PAPPA: variants seen among roughly 807,000 people sequenced by gnomAD.
PAPPA encodes pappalysin-1.
A neutral mutation model predicts 164.0 loss-of-function variants in PAPPA; 60 were observed. The observed-to-expected ratio is 0.37, with a 90% confidence interval of 0.30 to 0.45. The LOEUF (loss-of-function observed/expected upper bound fraction) is 0.45. Ranked by LOEUF, PAPPA falls within the 20% of genes least tolerant of loss-of-function variation. The pLI is 1.00. For synonymous variants in PAPPA, 875 were observed against 814.1 expected (o/e 1.07, Z -1.27); for missense variants, 1,782 against 2,087.3 (o/e 0.85, Z 2.85).
rs1487104709 is a variant in PAPPA, at chr9:116,219,921, C to T, written c.1919-16C>T. ...CTTGCGGCTTGGTGCTTATCTCTCCCTCTGCCTGCTTGCAGATGACGACTG... is the reference window on the plus strand; with the variant it reads ...CTTGCGGCTTGGTGCTTATCTCTCCTTCTGCCTGCTTGCAGATGACGACTG... On this transcript the variant is annotated splice_polypyrimidine_tract_variant and intron_variant, in intron 4 of 21. Transcript: ENST00000328252. 7 of 1,597,186 alleles carry T rather than the reference C, an allele frequency of 4.4e-6. No individual in the cohort carries two copies. In the East Asian group the frequency reaches 1.3e-4, roughly 31 times the overall value.
chr9:116,366,110 A>C (rs1846497544), intron 18 of PAPPA, among the ~76,000 whole-genome samples: 1 of 152,204 alleles, frequency 6.6e-6, no homozygotes, highest in African/African-American at 2.4e-5. Context: ...TAGTGTTTGG[A>C]GGGTGGTTTC....
intron 20 of PAPPA, among the ~76,000 whole-genome samples, chr9:116,379,888 G>GAT (rs1283305408): frequency 6.6e-6 from 1 of 152,138 alleles, no homozygotes; most frequent in African/African-American, 2.4e-5. Context: ...AGCAACATGA[G>GAT]ATAAACCAGA....
intron 1 of PAPPA, among the ~76,000 whole-genome samples, chr9:116,183,961 C>T (rs1843937935): frequency 6.6e-6 from 1 of 152,108 alleles, no homozygotes; most frequent in South Asian, 2.1e-4. Context: ...TAGCTGCCTT[C>T]CAAAGGCAAC....
At chr9:116,184,283 G>A (rs1389466906) in intron 1 of PAPPA, among the ~76,000 whole-genome samples, 1 of 152,172 alleles carries the variant, frequency 6.6e-6, no homozygotes, top group Non-Finnish European at 1.5e-5. Context: ...GAAGGAGTCA[G>A]TGGGGAGGCA....
chr9:116,331,396 C>T lies in PAPPA; in HGVS notation c.3261+39C>T, dbSNP rs755045597. On this transcript the variant is annotated intron_variant, in intron 11 of 21. Coordinates refer to ENST00000328252, the MANE Select transcript of PAPPA (RefSeq NM_002581.5). ...CTGAGAGCTTTGGAATCTCCAGCAG[C>T]GAGCCACAGAAAACACTGACTCCCA... 20 of 1,234,056 alleles carry T rather than the reference C, an allele frequency of 1.6e-5. 1 individual carries two copies. The highest frequency in any genetic ancestry group is 1.9e-4 in the Middle Eastern group (1 of 5,314). The allele number at this position is 1,234,056 out of a possible 1,614,324, so 76.4% of individuals were successfully genotyped here.
At chr9:116,382,340 A>T in intron 20 of PAPPA, 55 bp from the exon 21 acceptor site, 2 of 1,089,356 alleles carry the variant, frequency 1.8e-6, no homozygotes, top group Non-Finnish European at 2.9e-6. Flanking sequence ...GTCAGCTCCC[A>T]CTCACTCCAG....
chr9:116,323,805 T>C (rs62575362), intron 10 of PAPPA, among the ~76,000 whole-genome samples: 5,876 of 152,328 alleles, frequency 0.039, 164 homozygotes, highest in Non-Finnish European at 0.059. Context: ...CCTGAGAAGC[T>C]GGAAATCAAA....
chr9:116,261,887 G>GTGTTT (rs71300680), intron 7 of PAPPA, among the ~76,000 whole-genome samples: 2,222 of 151,042 alleles, frequency 0.015, 59 homozygotes, highest in African/African-American at 0.049. Context: ...GTAGAAAAAA[G>GTGTTT]TGTTTTGTTT....
intron 3 of PAPPA, 63 bp downstream of exon 3, chr9:116,207,664 G>A (rs1025613249): frequency 5.7e-6 from 7 of 1,220,222 alleles, no homozygotes; most frequent in Non-Finnish European, 8.0e-6. Flanking sequence ...TTAGTGCGAT[G>A]ATGATCATTG....
At chr9:116,356,809 T>A (rs1309853382) in intron 17 of PAPPA, among the ~76,000 whole-genome samples, 2 of 152,208 alleles carry the variant, frequency 1.3e-5, no homozygotes, top group Non-Finnish European at 2.9e-5. Flanking sequence ...AGCTGTGTTC[T>A]TTTTGCTTAG....
intron 1 of PAPPA, among the ~76,000 whole-genome samples, chr9:116,157,859 G>A (rs921332637): frequency 6.6e-6 from 1 of 152,100 alleles, no homozygotes; most frequent in African/African-American, 2.4e-5. Flanking sequence ...ACACCAGGCA[G>A]GAGGAACCAG....
chr9:116,212,680 T>C (rs1440978057), intron 4 of PAPPA, among the ~76,000 whole-genome samples: 1 of 152,016 alleles, frequency 6.6e-6, no homozygotes, highest in Non-Finnish European at 1.5e-5. Flanking sequence ...TTCTCAGAAG[T>C]CAGCACAGGG....
Position 116,211,719 on chromosome 9 carries a change from G to T in PAPPA, c.1705G>T (p.Gly569Cys), listed in dbSNP as rs1422683317. The change falls in exon 4 of 22, where the codon GGC (glycine) becomes TGC (cysteine). Residue 569 changes from glycine to cysteine, a missense_variant. Physicochemically the swap from Gly to Cys is radical, Grantham distance 159 (BLOSUM62 -3). This residue lies in a region of PAPPA where 1,324 missense variants were observed against 1,656.9 expected (regional missense o/e 0.80). Coordinates refer to ENST00000328252, the MANE Select transcript of PAPPA (RefSeq NM_002581.5). Reference protein sequence around the residue: ...TMIHEIGHSLGLYHVFRGISE... With the variant: ...TMIHEIGHSLCLYHVFRGISE... ...GATCCATGAGATTGGTCACAGCCTG[G>T]GCCTCTATCACGTCTTCCGAGGCAT... The T allele has an allele frequency of 6.2e-7, 1 of 1,613,996 alleles. No individual in the cohort carries two copies. Among genetic ancestry groups the T allele is most frequent in the South Asian group, 1.1e-5 (1 of 91,070 alleles).
intron 14 of PAPPA, 63 bp downstream of exon 14, chr9:116,344,774 C>A: frequency 8.9e-6 from 13 of 1,457,410 alleles, no homozygotes; most frequent in Non-Finnish European, 1.2e-5. Flanking sequence ...TGGGTGTTAA[C>A]CATGTTCTCT....
intron 1 of PAPPA, among the ~76,000 whole-genome samples, chr9:116,159,316 G>A (rs971384646): frequency 5.9e-5 from 9 of 152,288 alleles, no homozygotes; most frequent in Admixed American, 1.3e-4. Context: ...AAGGGTAGCC[G>A]GATCTAGGAA....
chr9:116,195,791 A>G (rs1382539924), intron 2 of PAPPA, among the ~76,000 whole-genome samples: 1 of 152,176 alleles, frequency 6.6e-6, no homozygotes, highest in Non-Finnish European at 1.5e-5. Context: ...CCCTCACTAC[A>G]ATCTCAGTGC....
At chr9:116,349,141 C>A (rs1846249457) in intron 15 of PAPPA, among the ~76,000 whole-genome samples, 1 of 149,540 alleles carries the variant, frequency 6.7e-6, no homozygotes, top group South Asian at 2.2e-4. Flanking sequence ...CTGCTCCTTG[C>A]AATCCCCCCG....
At position 116,220,016 on chromosome 9, in the gene PAPPA, G is replaced by A. The variant is rs1201747670; in HGVS notation, c.1998G>A (p.Trp666Ter). The A allele has an allele frequency of 6.2e-7, 1 of 1,613,890 alleles. No individual in the cohort carries two copies. Among genetic ancestry groups the A allele is most frequent in the African/African-American group, 1.3e-5 (1 of 74,914 alleles). ...HCYLDLVYQG[W>*]QPSRKPAPVA... Reference sequence around the variant, plus strand: ...ACCTGGACCTGGTCTACCAGGGCTGGCAGCCCTCCAGGAAACCAGCGCCTG... The same window carrying A: ...ACCTGGACCTGGTCTACCAGGGCTGACAGCCCTCCAGGAAACCAGCGCCTG... Residue 666 changes from tryptophan to a stop codon, truncating the protein, a stop_gained, in exon 5 of 22, where the codon TGG (tryptophan) becomes TGA (stop). Transcript: ENST00000328252. LOFTEE classifies it high-confidence loss of function.
intron 13 of PAPPA, among the ~76,000 whole-genome samples, chr9:116,338,544 G>A (rs1846093662): frequency 6.6e-6 from 1 of 152,178 alleles, no homozygotes; most frequent in South Asian, 2.1e-4. Context: ...TTCATAGGTA[G>A]GATTTGGAAC....
Sources: allele counts gnomAD v4.1 joint callset (sites outside exome capture counted in the v4.1 genomes callset), GRCh38; gene constraint gnomAD v4.1.1; regional missense constraint gnomAD v4.1.1; transcripts MANE v1.5; gene names NCBI Gene and HGNC (gene_info 2026-07-23, HGNC 2026-07-21).